The following DLGAP2 variants were observed in gnomAD, a reference collection of about 807,000 sequenced individuals.
The protein encoded by DLGAP2 is disks large-associated protein 2.
Under a neutral mutation model 100.3 loss-of-function variants are expected in DLGAP2, and 26 were observed. The ratio of observed to expected loss-of-function variants is 0.26; its 90% CI spans 0.19 to 0.36. The LOEUF is 0.36. Among genes scored for constraint, DLGAP2 ranks in the 10% least tolerant of loss-of-function variants. The pLI, the probability that DLGAP2 is intolerant of heterozygous loss-of-function variation, is 1.00. For missense variants in DLGAP2, 1,858 were observed against 1,453.2 expected (o/e 1.28, Z -4.53); for synonymous variants, 886 against 630.1 (o/e 1.41, Z -6.08).
At chr8:750,116 G>C (rs544183675) in intron 1 of DLGAP2, among the ~76,000 whole-genome samples, 102 of 152,374 alleles carry the variant, frequency 6.7e-4, no homozygotes, top group South Asian at 1.2e-3. Flanking sequence ...TCACATTCCT[G>C]GGTGGAAGGG....
intron 3 of DLGAP2, among the ~76,000 whole-genome samples, chr8:1,478,034 A>G (rs1798984062): frequency 6.6e-6 from 1 of 152,114 alleles, no homozygotes; most frequent in Non-Finnish European, 1.5e-5. Flanking sequence ...CATTCCCCCT[A>G]CGTAAGGGGT....
chr8:928,307 G>A (rs1322690562), intron 2 of DLGAP2, among the ~76,000 whole-genome samples: 1 of 152,126 alleles, frequency 6.6e-6, no homozygotes, highest in Non-Finnish European at 1.5e-5. Flanking sequence ...TGTTCACTAG[G>A]CATCCTGGAC....
At chr8:1,569,764 C>T (rs961743591) in intron 6 of DLGAP2, among the ~76,000 whole-genome samples, 1 of 152,236 alleles carries the variant, frequency 6.6e-6, no homozygotes, top group Non-Finnish European at 1.5e-5. Context: ...AGCTCAGCCC[C>T]AAGCCCCGTG....
chr8:1,449,001 C>G (rs1798062621), intron 3 of DLGAP2, among the ~76,000 whole-genome samples: 1 of 152,226 alleles, frequency 6.6e-6, no homozygotes, highest in African/African-American at 2.4e-5. Flanking sequence ...GACGCATGTT[C>G]TGAGAGCTGT....
intron 2 of DLGAP2, among the ~76,000 whole-genome samples, chr8:1,154,389 G>T (rs1024379119): frequency 5.3e-5 from 8 of 152,020 alleles, no homozygotes; most frequent in African/African-American, 1.9e-4. Context: ...ATCGAGACAC[G>T]ATTTTATCCA....
chr8:1,633,673 C>T (rs6980953), intron 8 of DLGAP2, among the ~76,000 whole-genome samples: 55,155 of 151,984 alleles, frequency 0.36, 13,011 homozygotes, highest in African/African-American at 0.68. Flanking sequence ...ACGATGAATA[C>T]ACATGGCCTA....
intron 2 of DLGAP2, among the ~76,000 whole-genome samples, chr8:1,129,549 C>T (rs1200878687): frequency 6.6e-6 from 1 of 152,040 alleles, no homozygotes; most frequent in African/African-American, 2.4e-5. Flanking sequence ...TGGGAGGAGA[C>T]GTTGATATTA....
chr8:828,026 G>T (rs1796714645), intron 1 of DLGAP2, among the ~76,000 whole-genome samples: 1 of 152,160 alleles, frequency 6.6e-6, no homozygotes, highest in South Asian at 2.1e-4. Context: ...GGGAGTATAT[G>T]AATAGGTGTG....
At chr8:1,490,378 G>C (rs1208997707) in intron 3 of DLGAP2, among the ~76,000 whole-genome samples, 1 of 152,224 alleles carries the variant, frequency 6.6e-6, no homozygotes, top group Non-Finnish European at 1.5e-5. Context: ...TCCATCAGGT[G>C]CAGAAAATTC....
chr8:744,117 G>C (rs1820554798), intron 1 of DLGAP2, among the ~76,000 whole-genome samples: 1 of 152,170 alleles, frequency 6.6e-6, no homozygotes. Flanking sequence ...CATCATCGTG[G>C]TTCTCTCAGA....
intron 8 of DLGAP2, among the ~76,000 whole-genome samples, chr8:1,641,003 G>C (rs1218800741): frequency 6.6e-6 from 1 of 152,188 alleles, no homozygotes; most frequent in Non-Finnish European, 1.5e-5. Context: ...TCTCTGCGGA[G>C]AGGAGGGAGA....
At chr8:1,044,788 C>T (rs1802471323) in intron 2 of DLGAP2, among the ~76,000 whole-genome samples, 1 of 152,174 alleles carries the variant, frequency 6.6e-6, no homozygotes, top group South Asian at 2.1e-4. Flanking sequence ...GGAAGAGCTA[C>T]CCCAGATCTT....
intron 1 of DLGAP2, among the ~76,000 whole-genome samples, chr8:795,859 A>G (rs62485637): frequency 0.014 from 1,044 of 72,648 alleles, 210 homozygotes; most frequent in African/African-American, 0.038. Flanking sequence ...GCAGGCGTCC[A>G]GTGAGAGCAG....
intron 3 of DLGAP2, among the ~76,000 whole-genome samples, chr8:1,490,215 G>A (rs1157229023): frequency 6.6e-6 from 1 of 152,112 alleles, no homozygotes; most frequent in African/African-American, 2.4e-5. Context: ...TAAAATAAAT[G>A]GGCATCACAA....
At chr8:1,617,780 C>G (rs1157661132) in intron 6 of DLGAP2, among the ~76,000 whole-genome samples, 3 of 152,170 alleles carry the variant, frequency 2.0e-5, no homozygotes, top group African/African-American at 7.2e-5. Context: ...AATATTAACG[C>G]TATGCATTAC....
chr8:981,020 T>G (rs1800316546), intron 2 of DLGAP2, among the ~76,000 whole-genome samples: 1 of 152,182 alleles, frequency 6.6e-6, no homozygotes, highest in Non-Finnish European at 1.5e-5. Flanking sequence ...TACCATCTAT[T>G]TCCGGAAAAT....
At chr8:1,118,084 G>C (rs868130631) in intron 2 of DLGAP2, among the ~76,000 whole-genome samples, 3 of 152,212 alleles carry the variant, frequency 2.0e-5, no homozygotes. Context: ...CTGTACCTCA[G>C]CTCCCAAAAG....
chr8:1,245,043 A>G (rs996286899), intron 2 of DLGAP2, among the ~76,000 whole-genome samples: 1 of 152,210 alleles, frequency 6.6e-6, no homozygotes, highest in African/African-American at 2.4e-5. Flanking sequence ...ATACAATGAG[A>G]CACCATTGCC....
At chr8:1,204,902 G>A (rs550075878) in intron 2 of DLGAP2, among the ~76,000 whole-genome samples, 4 of 152,194 alleles carry the variant, frequency 2.6e-5, no homozygotes, top group Admixed American at 2.0e-4. Flanking sequence ...TCCCAGAGCT[G>A]ACCAGGGCTG....
Sources: gnomAD v4.1 joint callset for allele counts (sites outside exome capture counted in the v4.1 genomes callset) on GRCh38, gnomAD v4.1.1 for gene constraint, MANE v1.5 for transcripts, NCBI Gene and HGNC (gene_info 2026-07-23, HGNC 2026-07-21) for gene names.